Variants in MARK1 observed in about 807,000 individuals in gnomAD.
MARK1 encodes microtubule affinity regulating kinase 1.
A neutral mutation model predicts 96.3 loss-of-function variants in MARK1; 40 were observed. That is an observed-to-expected ratio of 0.42 (90% CI 0.32 to 0.54). The LOEUF (loss-of-function observed/expected upper bound fraction) is 0.54. Ranked by LOEUF, MARK1 falls within the 20% of genes least tolerant of loss-of-function variation. The probability of loss-of-function intolerance (pLI) is 0.16; values close to 1 mark genes in which losing one functional copy is unlikely to be tolerated. For synonymous variants in MARK1, 317 were observed against 341.2 expected (o/e 0.93, Z 0.78); for missense variants, 719 against 984.6 (o/e 0.73, Z 3.61).
At chr1:220,613,651 A>G (rs1666581273) in intron 6 of MARK1, among the ~76,000 whole-genome samples, 1 of 152,208 alleles carries the variant, frequency 6.6e-6, no homozygotes, top group Non-Finnish European at 1.5e-5. Flanking sequence ...TAAAATATAC[A>G]TATAAATGTA....
At chr1:220,592,572 G>A (rs1665071591) in intron 3 of MARK1, among the ~76,000 whole-genome samples, 1 of 152,180 alleles carries the variant, frequency 6.6e-6, no homozygotes, top group African/African-American at 2.4e-5. Flanking sequence ...AGAAGACCCA[G>A]TTAAGTCAGG....
chr1:220,613,015 C>T (rs1666541233), intron 6 of MARK1, among the ~76,000 whole-genome samples: 1 of 152,110 alleles, frequency 6.6e-6, no homozygotes, highest in South Asian at 2.1e-4. Context: ...GATAACTCCA[C>T]CTCAATGGAA....
chr1:220,576,295 C>T (rs1039678240), intron 1 of MARK1, among the ~76,000 whole-genome samples: 31 of 151,662 alleles, frequency 2.0e-4, no homozygotes, highest in Non-Finnish European at 8.8e-5. Flanking sequence ...TATTTCTCAT[C>T]ATCCTGCTGT....
At chr1:220,579,285 G>C in intron 1 of MARK1, 69 bp from the exon 2 acceptor site, 1 of 1,018,766 alleles carries the variant, frequency 9.8e-7, no homozygotes, top group Non-Finnish European at 1.5e-6. Context: ...ATAATTATTT[G>C]TACTCTTTTT....
At chr1:220,607,453 A>G (rs897432551) in intron 6 of MARK1, among the ~76,000 whole-genome samples, 11 of 152,130 alleles carry the variant, frequency 7.2e-5, no homozygotes, top group Non-Finnish European at 1.2e-4. Context: ...TAAATTTACA[A>G]TCATGTCATC....
chr1:220,538,678 C>T (rs1216943940), intron 1 of MARK1, among the ~76,000 whole-genome samples: 18 of 151,596 alleles, frequency 1.2e-4, no homozygotes, highest in South Asian at 1.0e-3. Flanking sequence ...GCCATTTTCA[C>T]GATATTGATT....
intron 1 of MARK1, among the ~76,000 whole-genome samples, chr1:220,552,017 T>G (rs1396654744): frequency 6.6e-6 from 1 of 152,142 alleles, no homozygotes; most frequent in East Asian, 1.9e-4. Context: ...TAAGAAGAGG[T>G]GCCCCAGAGG....
intron 1 of MARK1, among the ~76,000 whole-genome samples, chr1:220,546,180 C>T (rs1163451031): frequency 6.6e-6 from 1 of 152,142 alleles, no homozygotes; most frequent in African/African-American, 2.4e-5. Flanking sequence ...TTGAGCCTGT[C>T]TCTCTTCCCT....
chr1:220,587,126 CT>C (rs35850985), intron 3 of MARK1, among the ~76,000 whole-genome samples: 7 of 151,814 alleles, frequency 4.6e-5, no homozygotes, highest in African/African-American at 1.5e-4. Flanking sequence ...TTTTTAAAAA[CT>C]TTTTTTTACA....
chr1:220,657,400 G>A (rs1471160334), intron 16 of MARK1, among the ~76,000 whole-genome samples: 3 of 152,088 alleles, frequency 2.0e-5, no homozygotes, highest in Admixed American at 6.5e-5. Context: ...TAAATTGAGC[G>A]ACTACTAGAA....
At chr1:220,612,368 G>T (rs1666498364) in intron 6 of MARK1, among the ~76,000 whole-genome samples, 1 of 152,076 alleles carries the variant, frequency 6.6e-6, no homozygotes, top group East Asian at 1.9e-4. Context: ...AATTGGCTTG[G>T]TTTTTTAAAT....
intron 3 of MARK1, among the ~76,000 whole-genome samples, chr1:220,592,219 C>CATATTATATTATATTATATTATATT (rs66795891): frequency 6.6e-5 from 9 of 136,524 alleles, no homozygotes; most frequent in South Asian, 2.6e-4. Context: ...ATGATTATAT[C>CATATTATATTATATTATATTATATT]ATATTATATT....
Position 220,618,335 on chromosome 1 carries a change from A to T in MARK1, c.578A>T (p.Asp193Val). The stretch of plus-strand genomic sequence containing the variant: ...GCTGAAAACCTTCTCCTTGATGGTG[A>T]TATGAATATTAAAATTGCTGACTTT... ...LKAENLLLDG[D>V]MNIKIADFGF... Residue 193 changes from aspartate to valine, a missense_variant, in exon 8 of 18, where the codon GAT (aspartate) becomes GTT (valine). By Grantham distance (152) the Asp-to-Val change is radical (BLOSUM62 -3). Coordinates refer to ENST00000366917, the MANE Select transcript of MARK1 (RefSeq NM_018650.5). The surrounding 1 kb of genome is among the most constrained non-coding windows in gnomAD (Gnocchi z 4.6). 1 of 1,611,398 alleles carries T rather than the reference A, an allele frequency of 6.2e-7. No homozygotes were observed. The highest frequency in any genetic ancestry group is 8.5e-7 in the Non-Finnish European group (1 of 1,177,588).
intron 1 of MARK1, among the ~76,000 whole-genome samples, chr1:220,557,237 A>G (rs960923626): frequency 1.3e-5 from 2 of 152,256 alleles, no homozygotes; most frequent in African/African-American, 4.8e-5. Context: ...GAGAGAAAAT[A>G]TCAGTCTCAT....
chr1:220,652,666 CCT>C (rs1356570471), intron 15 of MARK1, among the ~76,000 whole-genome samples: 1 of 152,024 alleles, frequency 6.6e-6, no homozygotes, highest in Non-Finnish European at 1.5e-5. Context: ...ACATTTTAAC[CCT>C]CTGTTAGATT....
intron 3 of MARK1, among the ~76,000 whole-genome samples, chr1:220,589,014 G>A (rs1274496183): frequency 6.6e-6 from 1 of 152,200 alleles, no homozygotes; most frequent in African/African-American, 2.4e-5. Flanking sequence ...CCTTCTACTA[G>A]CCCAGTTTAC....
intron 1 of MARK1, among the ~76,000 whole-genome samples, chr1:220,559,323 G>A (rs1176495930): frequency 6.6e-6 from 1 of 152,200 alleles, no homozygotes; most frequent in African/African-American, 2.4e-5. Flanking sequence ...GTTAAATGCA[G>A]CTGTTGTCAA....
chr1:220,652,091 T>C lies in MARK1; in HGVS notation c.1677T>C (p.Gly559=). 4 of 1,613,702 alleles carry C rather than the reference T, an allele frequency of 2.5e-6. No homozygotes were observed. The highest frequency in any genetic ancestry group is 3.4e-6 in the Non-Finnish European group (4 of 1,179,688). ...PRHQKSMSTS[G]HPIKVTLPTI... is the part of the protein sequence containing the mutation. The stretch of plus-strand genomic sequence containing the variant: ...ACCAGAAGTCCATGTCCACTTCTGG[T>C]CATCCTATTAAAGTCACACTGCCAA... The change falls in exon 15 of 18, where the codon GGT becomes GGC. Residue 559 remains glycine (G), a synonymous_variant. Transcript: ENST00000366917.
rs770467547 is a variant in MARK1, at chr1:220,653,332, C to T, written c.1968C>T (p.Ile656=). The T allele has an allele frequency of 1.9e-6, 3 of 1,614,072 alleles. No homozygotes were observed. Among genetic ancestry groups the T allele is most frequent in the East Asian group, 2.2e-5 (1 of 44,900 alleles). ...RGTSTGIISK[I]TSKFVRRDPS... ...CGTCAACTGGTATAATAAGCAAAAT[C>T]ACATCCAAATTTGTTCGCAGGTCAG... Residue 656 remains isoleucine, a synonymous_variant, in exon 16 of 18, where the codon ATC becomes ATT. Transcript: ENST00000366917.
Sources: gnomAD v4.1 joint callset for allele counts (sites outside exome capture counted in the v4.1 genomes callset) on GRCh38, gnomAD v4.1.1 for gene constraint, Gnocchi (gnomAD v3.1) non-coding constraint, MANE v1.5 for transcripts, NCBI Gene and HGNC (gene_info 2026-07-23, HGNC 2026-07-21) for gene names.